Variants in SUGCT observed in about 807,000 individuals in gnomAD.
The protein encoded by SUGCT is succinyl-CoA:glutarate CoA-transferase.
SUGCT carries 41 observed loss-of-function variants against 55.0 expected under a neutral mutation model. The ratio of observed to expected loss-of-function variants is 0.74; its 90% CI spans 0.58 to 0.97. The LOEUF (loss-of-function observed/expected upper bound fraction) is 0.97, where lower values mean the gene tolerates loss of function less well. Among genes scored for constraint, SUGCT ranks in the 50% least tolerant of loss-of-function variants. The pLI is 0.00. For missense variants in SUGCT, 568 were observed against 547.8 expected (o/e 1.04, Z -0.37); for synonymous variants, 187 against 200.4 (o/e 0.93, Z 0.56).
chr7:40,607,935 A>G (rs1044286814), intron 12 of SUGCT, among the ~76,000 whole-genome samples: 3 of 152,210 alleles, frequency 2.0e-5, no homozygotes, highest in African/African-American at 7.2e-5. Context: ...AGCCCTGTCT[A>G]TGGAGAATTT....
intron 12 of SUGCT, among the ~76,000 whole-genome samples, chr7:40,533,620 A>G (rs1794206005): frequency 6.6e-6 from 1 of 152,156 alleles, no homozygotes; most frequent in South Asian, 2.1e-4. Context: ...CCTATTTAAG[A>G]GAATTCTTAT....
Position 40,779,330 on chromosome 7 carries a change from T to C in SUGCT, c.1153+29833T>C, listed in dbSNP as rs1437368214. Among the ~76,000 whole-genome samples the C allele has an allele frequency of 2.0e-5, 3 of 152,198 alleles. No individual in the cohort carries two copies. The East Asian group carries it at 5.8e-4, about 29-fold the overall frequency. On this transcript the variant is annotated intron_variant, in intron 13 of 13. Transcript: ENST00000335693. The stretch of plus-strand genomic sequence containing the variant: ...TATGCAGCATCTCTCTGTTCATCTG[T>C]AATTTAGTCAGCTTGTGTACATACT...
At chr7:40,992,098 T>A in the SUGCT span, among the ~76,000 whole-genome samples, 45 of 152,286 alleles carry the variant, frequency 3.0e-4, no homozygotes, top group African/African-American at 1.0e-3. Context: ...CCCCGAGGGC[T>A]ACTGGTTGGC....
At chr7:40,636,804 A>G (rs1800041363) in intron 12 of SUGCT, among the ~76,000 whole-genome samples, 1 of 147,366 alleles carries the variant, frequency 6.8e-6, no homozygotes, top group Admixed American at 6.6e-5. Context: ...AAAAAGCCAT[A>G]TTGTCTGCAT....
At chr7:41,037,931 A>G in the SUGCT span, among the ~76,000 whole-genome samples, 2 of 152,184 alleles carry the variant, frequency 1.3e-5, no homozygotes, top group South Asian at 2.1e-4. Flanking sequence ...TTCTTAATCC[A>G]TATAAAAGTG....
At chr7:40,971,961 T>C in the SUGCT span, among the ~76,000 whole-genome samples, 1 of 152,168 alleles carries the variant, frequency 6.6e-6, no homozygotes, top group African/African-American at 2.4e-5. Context: ...AGAAACCTCA[T>C]AGATGAGAAA....
At chr7:40,710,529 A>G (rs1179986703) in intron 12 of SUGCT, among the ~76,000 whole-genome samples, 1 of 151,426 alleles carries the variant, frequency 6.6e-6, no homozygotes, top group Non-Finnish European at 1.5e-5. Context: ...CTTCATTCTC[A>G]CTCCTCTAGA....
chr7:40,291,420 C>T (rs1793753851), intron 8 of SUGCT, among the ~76,000 whole-genome samples: 1 of 147,710 alleles, frequency 6.8e-6, no homozygotes, highest in Admixed American at 6.9e-5. Flanking sequence ...AAACCAGACA[C>T]CACATGTTCT....
intron 9 of SUGCT, among the ~76,000 whole-genome samples, chr7:40,365,367 C>G (rs570461234): frequency 2.0e-5 from 3 of 151,742 alleles, no homozygotes; most frequent in African/African-American, 4.8e-5. Context: ...CAGGGATGCC[C>G]TCTCTCACCA....
At chr7:40,471,184 TGAGA>T (rs1021840950) in intron 11 of SUGCT, among the ~76,000 whole-genome samples, 1 of 151,970 alleles carries the variant, frequency 6.6e-6, no homozygotes, top group African/African-American at 2.4e-5. Flanking sequence ...TATGAGAAAG[TGAGA>T]GAAATTGTGA....
At chr7:40,993,056 A>G in the SUGCT span, among the ~76,000 whole-genome samples, 1 of 152,076 alleles carries the variant, frequency 6.6e-6, no homozygotes, top group South Asian at 2.1e-4. Flanking sequence ...AATCACCTGG[A>G]GATCTTACTA....
At chr7:40,646,282 T>G (rs997675213) in intron 12 of SUGCT, among the ~76,000 whole-genome samples, 1 of 152,258 alleles carries the variant, frequency 6.6e-6, no homozygotes, top group Admixed American at 6.5e-5. Flanking sequence ...ATAGCCTCCT[T>G]ATTAGTCTTT....
At chr7:40,837,598 T>A (rs1204392026) in intron 13 of SUGCT, among the ~76,000 whole-genome samples, 1 of 152,174 alleles carries the variant, frequency 6.6e-6, no homozygotes, top group African/African-American at 2.4e-5. Context: ...TTATTATTAT[T>A]TTTGAGACAG....
intron 13 of SUGCT, among the ~76,000 whole-genome samples, chr7:40,858,973 C>T (rs1794341302): frequency 6.6e-6 from 1 of 152,302 alleles, no homozygotes; most frequent in Non-Finnish European, 1.5e-5. Context: ...TGGAATTCTC[C>T]AAAGAGCTCA....
At chr7:40,411,762 A>G (rs1303271240) in intron 9 of SUGCT, among the ~76,000 whole-genome samples, 1 of 152,198 alleles carries the variant, frequency 6.6e-6, no homozygotes, top group Non-Finnish European at 1.5e-5. Flanking sequence ...AAATAGCTAG[A>G]CAGGATTAAT....
intron 13 of SUGCT, among the ~76,000 whole-genome samples, chr7:40,772,222 C>G (rs2128728675): frequency 6.6e-6 from 1 of 152,222 alleles, no homozygotes; most frequent in Admixed American, 6.5e-5. Context: ...ATTGAAAGCT[C>G]AGTTTCTGGC....
At chr7:40,547,552 T>C (rs886182136) in intron 12 of SUGCT, among the ~76,000 whole-genome samples, 21 of 152,226 alleles carry the variant, frequency 1.4e-4, no homozygotes, top group African/African-American at 5.1e-4. Flanking sequence ...AATGCCAACA[T>C]TGAGTTCCAG....
At chr7:40,840,104 C>A (rs1282518446) in intron 13 of SUGCT, among the ~76,000 whole-genome samples, 1 of 152,230 alleles carries the variant, frequency 6.6e-6, no homozygotes, top group East Asian at 1.9e-4. Flanking sequence ...AGTTTTCTAG[C>A]ATGCCAACTC....
chr7:40,459,129 A>G lies in SUGCT; in HGVS notation c.917A>G (p.Asn306Ser). 1 of 1,611,626 alleles carries G rather than the reference A, an allele frequency of 6.2e-7. No homozygotes were observed. Among genetic ancestry groups the G allele is most frequent in the Non-Finnish European group, 8.5e-7 (1 of 1,178,520 alleles). ...TTGGATTTGCCTGAGTTGATTGATAATTCCAAGTATAAAACTAACCACCTT... is the reference window on the plus strand; with the variant it reads ...TTGGATTTGCCTGAGTTGATTGATAGTTCCAAGTATAAAACTAACCACCTT... ...KILDLPELIDNSKYKTNHLRV... is the reference protein window; with the variant it reads ...KILDLPELIDSSKYKTNHLRV... Residue 306 changes from asparagine (N) to serine (S), a missense_variant, in exon 11 of 14, where the codon AAT (asparagine) becomes AGT (serine). Asn to Ser is a conservative substitution (Grantham distance 46). Coordinates refer to ENST00000335693, the MANE Select transcript of SUGCT (RefSeq NM_001193313.2).
Sources: allele counts gnomAD v4.1 joint callset (sites outside exome capture counted in the v4.1 genomes callset), GRCh38; gene constraint gnomAD v4.1.1; transcripts MANE v1.5; gene names NCBI Gene and HGNC (gene_info 2026-07-23, HGNC 2026-07-21).